Variants in HSD17B12 observed in about 807,000 individuals in gnomAD.
HSD17B12 encodes very-long-chain 3-oxoacyl-CoA reductase.
A neutral mutation model predicts 39.3 loss-of-function variants in HSD17B12; 32 were observed. The observed-to-expected ratio is 0.81, with a 90% confidence interval of 0.61 to 1.09. The LOEUF (loss-of-function observed/expected upper bound fraction) is 1.09. Among genes scored for constraint, HSD17B12 ranks in the 50% least tolerant of loss-of-function variants. HSD17B12 has a pLI of 0.00. For synonymous variants in HSD17B12, 150 were observed against 146.7 expected (o/e 1.02, Z -0.16); for missense variants, 342 against 382.9 (o/e 0.89, Z 0.89).
chr11:43,680,324 G>A (rs543922250), upstream of HSD17B12, among the ~76,000 whole-genome samples: 4 of 152,046 alleles, frequency 2.6e-5, no homozygotes, highest in Non-Finnish European at 5.9e-5. Flanking sequence ...CGCCCGCCTC[G>A]GCCTCCCAAA....
chr11:43,612,132 A>T, the HSD17B12 span, among the ~76,000 whole-genome samples: 1 of 152,094 alleles, frequency 6.6e-6, no homozygotes, highest in Admixed American at 6.6e-5. Flanking sequence ...AAAGATGGTC[A>T]CTCCTTTGGT....
intron 1 of HSD17B12, among the ~76,000 whole-genome samples, chr11:43,750,143 A>T (rs1273675088): frequency 6.6e-6 from 1 of 151,316 alleles, no homozygotes; most frequent in Non-Finnish European, 1.5e-5. Flanking sequence ...CAGCTCAGTG[A>T]ATCTACACAC....
intron 3 of HSD17B12, among the ~76,000 whole-genome samples, chr11:43,757,268 T>C (rs1950514447): frequency 6.6e-6 from 1 of 152,192 alleles, no homozygotes; most frequent in Admixed American, 6.5e-5. Flanking sequence ...TGCTAGGCAG[T>C]GAAGATACCA....
chr11:43,729,481 C>T (rs761104036), intron 1 of HSD17B12, among the ~76,000 whole-genome samples: 22 of 152,056 alleles, frequency 1.4e-4, no homozygotes, highest in Non-Finnish European at 2.4e-4. Flanking sequence ...CAGTAAACTT[C>T]GTTAAGTAAT....
chr11:43,580,967 T>A, the HSD17B12 span, among the ~76,000 whole-genome samples: 2 of 152,034 alleles, frequency 1.3e-5, no homozygotes, highest in Middle Eastern at 3.4e-3. Context: ...GAACCTTGGC[T>A]GGGGGACTCT....
chr11:43,693,515 A>G (rs1395787905), intron 1 of HSD17B12, among the ~76,000 whole-genome samples: 5 of 152,164 alleles, frequency 3.3e-5, no homozygotes, highest in East Asian at 1.9e-4. Flanking sequence ...GCACTTGTTC[A>G]TTGTATATAG....
chr11:43,827,999 T>C (rs565945432), intron 6 of HSD17B12, among the ~76,000 whole-genome samples: 1 of 152,324 alleles, frequency 6.6e-6, no homozygotes, highest in South Asian at 2.1e-4. Context: ...TCTAGGCATC[T>C]AGGATTTTCT....
chr11:43,710,550 A>G (rs1317497116), intron 1 of HSD17B12, among the ~76,000 whole-genome samples: 1 of 152,206 alleles, frequency 6.6e-6, no homozygotes, highest in African/African-American at 2.4e-5. Context: ...AAGTTCCTTC[A>G]AAATAATTTA....
intron 6 of HSD17B12, among the ~76,000 whole-genome samples, chr11:43,822,275 A>C (rs1951190342): frequency 6.6e-6 from 1 of 152,202 alleles, no homozygotes; most frequent in Admixed American, 6.5e-5. Context: ...GGGGAAGAGC[A>C]TCTCAAGCAG....
At chr11:43,688,720 A>G (rs1949825515) in intron 1 of HSD17B12, among the ~76,000 whole-genome samples, 1 of 152,196 alleles carries the variant, frequency 6.6e-6, no homozygotes. Context: ...AGTATAGCTA[A>G]CAAACAGATT....
the HSD17B12 span, among the ~76,000 whole-genome samples, chr11:43,557,645 A>T: frequency 6.6e-6 from 1 of 152,252 alleles, no homozygotes; most frequent in African/African-American, 2.4e-5. Context: ...GGAAATCTTT[A>T]TGCATGATAT....
At chr11:43,852,795 A>G (rs560202195) in intron 9 of HSD17B12, 3 of 152,216 alleles carry the variant, frequency 2.0e-5, no homozygotes, top group Non-Finnish European at 2.9e-5. Flanking sequence ...GATAATCCCA[A>G]TAAACAAATT....
chr11:43,798,537 G>A (rs1343701706), intron 4 of HSD17B12, 110 bp downstream of exon 4: 4 of 643,920 alleles, frequency 6.2e-6, no homozygotes, highest in Non-Finnish European at 1.1e-5. Context: ...TTATGATTAC[G>A]TAAGACATTA....
At chr11:43,560,817 G>A in the HSD17B12 span, among the ~76,000 whole-genome samples, 10 of 152,268 alleles carry the variant, frequency 6.6e-5, no homozygotes, top group African/African-American at 2.2e-4. Flanking sequence ...CAAGTTGCAC[G>A]CTCCTGAAGT....
chr11:43,608,292 G>C, the HSD17B12 span, among the ~76,000 whole-genome samples: 2 of 151,332 alleles, frequency 1.3e-5, no homozygotes, highest in Non-Finnish European at 2.9e-5. Flanking sequence ...AGCTTAGGAG[G>C]TCCAGGCTGC....
chr11:43,617,622 G>A, the HSD17B12 span, among the ~76,000 whole-genome samples: 2 of 152,114 alleles, frequency 1.3e-5, no homozygotes, highest in Admixed American at 6.6e-5. Context: ...AGTAGCTGTC[G>A]AACTAAACTG....
rs536472112 is a variant in HSD17B12 at position 43,849,329 on chromosome 11, T to A, written c.685-5386T>A. The stretch of plus-strand genomic sequence containing the variant: ...AACAAAACAAAACAAAACAAAAAAA[T>A]CCAGTTACTTCACTGCTATGCTAAA... On this transcript the variant is annotated intron_variant, in intron 9 of 10. Coordinates refer to ENST00000278353, the MANE Select transcript of HSD17B12 (RefSeq NM_016142.3). Among the ~76,000 whole-genome samples, 9 of 150,042 alleles carry A rather than the reference T, an allele frequency of 6.0e-5. No homozygotes were observed. The South Asian group carries it at 1.9e-3, about 32-fold the overall frequency.
the HSD17B12 span, among the ~76,000 whole-genome samples, chr11:43,624,436 A>G: frequency 6.6e-6 from 1 of 151,936 alleles, no homozygotes; most frequent in Admixed American, 6.6e-5. Flanking sequence ...ATTTAACAGA[A>G]GAGAAAAGAG....
intron 9 of HSD17B12, among the ~76,000 whole-genome samples, chr11:43,845,125 C>G (rs915596626): frequency 6.6e-6 from 1 of 152,168 alleles, no homozygotes; most frequent in South Asian, 2.1e-4. Context: ...TCCTGTGTGG[C>G]TAGGACCGCA....
Sources: gnomAD v4.1 joint callset for allele counts (sites outside exome capture counted in the v4.1 genomes callset) on GRCh38, gnomAD v4.1.1 for gene constraint, MANE v1.5 for transcripts, NCBI Gene and HGNC (gene_info 2026-07-23, HGNC 2026-07-21) for gene names.